Variants in PSD3 observed in about 807,000 individuals in gnomAD.
PSD3 encodes PH and SEC7 domain-containing protein 3.
Under a neutral mutation model 105.5 loss-of-function variants are expected in PSD3, and 49 were observed. The observed-to-expected ratio is 0.46, with a 90% CI of 0.37 to 0.59. The LOEUF (loss-of-function observed/expected upper bound fraction) is 0.59. PSD3 is among the 20% of genes least tolerant of loss of function. The pLI is 0.00. For missense variants in PSD3, 1,561 were observed against 1,263.8 expected (o/e 1.24, Z -3.57); for synonymous variants, 557 against 457.8 (o/e 1.22, Z -2.77).
intron 15 of PSD3, among the ~76,000 whole-genome samples, chr8:18,555,439 CA>C (rs965150014): frequency 9.2e-5 from 14 of 151,584 alleles, no homozygotes; most frequent in Non-Finnish European, 2.1e-4. Flanking sequence ...AAAACAAAAA[CA>C]AAAAACAACA....
Position 18,893,412 on chromosome 8 carries a change from C to T in PSD3, c.131-20679G>A, listed in dbSNP as rs140169054. Among the ~76,000 whole-genome samples, 226 of 152,204 alleles carry T rather than the reference C, an allele frequency of 1.5e-3. 1 individual carries two copies. The highest frequency in any genetic ancestry group is 5.1e-3 in the African/African-American group (213 of 41,504). ...GCAACAGGAACCAGCCAGAAGGGCT[C>T]GATAAACTGTACTTATCGAGTTGAT... On this transcript the variant is annotated intron_variant, in intron 2 of 15. Transcript: ENST00000327040.
chr8:18,881,136 G>A (rs1286130546), intron 2 of PSD3, among the ~76,000 whole-genome samples: 2 of 152,136 alleles, frequency 1.3e-5, no homozygotes, highest in Non-Finnish European at 2.9e-5. Context: ...CTGTTGTTTA[G>A]CAAAGATGCT....
intron 9 of PSD3, among the ~76,000 whole-genome samples, chr8:18,749,394 A>C (rs74977949): frequency 5.3e-5 from 8 of 152,168 alleles, no homozygotes; most frequent in African/African-American, 9.7e-5. Flanking sequence ...GTTGAAAGTC[A>C]TTTCTCTTTA....
chr8:19,015,373 C>A (rs1309669724), upstream of PSD3, among the ~76,000 whole-genome samples: 1 of 152,172 alleles, frequency 6.6e-6, no homozygotes, highest in Non-Finnish European at 1.5e-5. Flanking sequence ...TCTTTATCAG[C>A]AGTGTGAAAA....
chr8:18,556,934 T>C (rs1008481823), intron 14 of PSD3, among the ~76,000 whole-genome samples: 2 of 152,224 alleles, frequency 1.3e-5, no homozygotes, highest in Non-Finnish European at 2.9e-5. Flanking sequence ...TTCCTTCAAC[T>C]TGATTGGCCC....
intron 1 of PSD3, among the ~76,000 whole-genome samples, chr8:18,955,756 TTTTATTTA>T (rs150325859): frequency 1.3e-5 from 2 of 149,628 alleles, no homozygotes; most frequent in African/African-American, 4.9e-5. Context: ...TCTTAGCATA[TTTTATTTA>T]TTTATTTATT....
intron 1 of PSD3, among the ~76,000 whole-genome samples, chr8:19,057,334 A>G (rs1446321362): frequency 1.3e-5 from 2 of 152,110 alleles, no homozygotes; most frequent in African/African-American, 2.4e-5. Context: ...CCATCTTTCC[A>G]TGGAAGTTTC....
At chr8:18,858,408 G>A (rs1275943153) in intron 4 of PSD3, among the ~76,000 whole-genome samples, 1 of 152,126 alleles carries the variant, frequency 6.6e-6, no homozygotes, top group Non-Finnish European at 1.5e-5. Flanking sequence ...GACTGATCAG[G>A]GTGGTGGTTG....
intron 1 of PSD3, among the ~76,000 whole-genome samples, chr8:19,035,046 C>T (rs1397360371): frequency 6.6e-6 from 1 of 152,092 alleles, no homozygotes; most frequent in Non-Finnish European, 1.5e-5. Flanking sequence ...GTAATGATTG[C>T]AGATGAAATG....
In PSD3 at chr8:19,057,419, A is replaced by G. The variant is rs138691937; in HGVS notation, c.324+26787T>C. Among the ~76,000 whole-genome samples, 608 of 152,258 alleles carry G rather than the reference A, an allele frequency of 4.0e-3. 5 individuals are homozygous for G. Among genetic ancestry groups the G allele is most frequent in the African/African-American group, 0.014 (586 of 41,550 alleles). ...AACACAATTAACCCTTCAGTTTTCTATGACACGAAAACCTCTGCCCACCAC... is the reference window on the plus strand; with the variant it reads ...AACACAATTAACCCTTCAGTTTTCTGTGACACGAAAACCTCTGCCCACCAC... On this transcript the variant is annotated intron_variant, in intron 1 of 1. Transcript: ENST00000521475.
In PSD3 at chr8:18,924,032, C is replaced by T. The variant is rs559839716; in HGVS notation, c.130+12002G>A. 2.0e-5 allele frequency among the ~76,000 whole-genome samples: 3 copies of T among 152,212 alleles called. No individual in the cohort carries two copies. In the East Asian group the frequency reaches 5.8e-4, roughly 29 times the overall value. On this transcript the variant is annotated intron_variant, in intron 2 of 15. Transcript: ENST00000327040. Reference sequence around the variant, plus strand: ...ATGCTCTCCTGGTTGATTTCTGCAACACTTCTTAGTTATCTTAGTATATAA... The same window carrying T: ...ATGCTCTCCTGGTTGATTTCTGCAATACTTCTTAGTTATCTTAGTATATAA...
chr8:18,654,390 C>T (rs1359063431), intron 10 of PSD3, among the ~76,000 whole-genome samples: 1 of 152,024 alleles, frequency 6.6e-6, no homozygotes, highest in Non-Finnish European at 1.5e-5. Context: ...TCTGTTAGGT[C>T]ACGTGGTAAA....
chr8:18,952,994 T>C (rs936008445), intron 1 of PSD3, among the ~76,000 whole-genome samples: 2 of 152,254 alleles, frequency 1.3e-5, no homozygotes, highest in Non-Finnish European at 1.5e-5. Context: ...GCAACATATA[T>C]TTAAATATCT....
At chr8:18,604,732 A>T (rs1804685203) in intron 11 of PSD3, among the ~76,000 whole-genome samples, 1 of 152,176 alleles carries the variant, frequency 6.6e-6, no homozygotes, top group Non-Finnish European at 1.5e-5. Context: ...GAGCCAGGGC[A>T]CTGCTGCCCT....
chr8:18,809,009 G>A (rs2129448137), intron 4 of PSD3: 4 of 1,135,180 alleles, frequency 3.5e-6, no homozygotes, highest in Non-Finnish European at 3.5e-6. Context: ...GAACACAAGG[G>A]CCACTGTCTA....
intron 1 of PSD3, among the ~76,000 whole-genome samples, chr8:18,977,277 A>C (rs941083570): frequency 4.6e-5 from 7 of 151,554 alleles, no homozygotes; most frequent in Non-Finnish European, 7.4e-5. Context: ...AAAAAAAAAA[A>C]AAATTGGGTT....
Position 18,872,002 on chromosome 8 carries a change from T to A in PSD3, c.862A>T (p.Ser288Cys). ...REHPGGCDRS[S>C]SMGRPGRVKH... is the part of the protein sequence containing the mutation. ...ACCCGGCCTGGGCGTCCCATGGAGC[T>A]GCTTCGATCACATCCCCCTGGGTGC... Residue 288 changes from serine (S) to cysteine (C), a missense_variant, in exon 3 of 16, where the codon AGC becomes TGC. Ser to Cys is a moderately radical substitution (Grantham distance 112). Coordinates refer to ENST00000327040, the MANE Select transcript of PSD3 (RefSeq NM_015310.4). 6.2e-7 allele frequency: 1 copy of A among 1,614,154 alleles called. No individual in the cohort carries two copies. The highest frequency in any genetic ancestry group is 8.5e-7 in the Non-Finnish European group (1 of 1,180,020).
intron 8 of PSD3, among the ~76,000 whole-genome samples, chr8:18,770,717 T>C (rs1807441560): frequency 6.6e-6 from 1 of 152,164 alleles, no homozygotes; most frequent in Non-Finnish European, 1.5e-5. Context: ...TGGGTGCTCT[T>C]TTAGCTTGGC....
chr8:18,556,851 G>T (rs1801107958), intron 14 of PSD3, among the ~76,000 whole-genome samples: 1 of 152,154 alleles, frequency 6.6e-6, no homozygotes, highest in Non-Finnish European at 1.5e-5. Flanking sequence ...TTTCTTCTCT[G>T]AAGCTTACCA....
Sources: gnomAD v4.1 joint callset for allele counts (sites outside exome capture counted in the v4.1 genomes callset) on GRCh38, gnomAD v4.1.1 for gene constraint, MANE v1.5 for transcripts, NCBI Gene and HGNC (gene_info 2026-07-23, HGNC 2026-07-21) for gene names.